The following ASIC2 variants were observed in gnomAD, a reference collection of about 807,000 sequenced individuals.
ASIC2 encodes the protein acid-sensing ion channel 2.
ASIC2 carries 25 observed loss-of-function variants against 57.3 expected under a neutral mutation model. That is an observed-to-expected ratio of 0.44 (90% CI 0.32 to 0.61). The LOEUF is 0.61. ASIC2 is among the 20% of genes least tolerant of loss of function. The probability of loss-of-function intolerance (pLI) is 0.06; values close to 1 mark genes in which losing one functional copy is unlikely to be tolerated. For missense variants in ASIC2, 641 were observed against 738.1 expected, an observed-to-expected ratio of 0.87 and a Z score of 1.52; for synonymous variants, 319 against 307.5, an observed-to-expected ratio of 1.04 and a Z score of -0.39.
At chr17:33,133,589 G>A (rs138543415) in intron 1 of ASIC2, among the ~76,000 whole-genome samples, 53 of 152,302 alleles carry the variant, frequency 3.5e-4, no homozygotes, top group African/African-American at 1.3e-3. Flanking sequence ...TTATCCCAAA[G>A]GATTCGATCT....
rs576740879 is a variant in ASIC2, at chr17:33,494,835, G to A, written c.556-382768C>T. ...ACATGAGCTCTGCAGGTTAGATATGGAGATAGAAAGTGATGACGCCCTGTG... is the reference window on the plus strand; with the variant it reads ...ACATGAGCTCTGCAGGTTAGATATGAAGATAGAAAGTGATGACGCCCTGTG... On this transcript the variant is annotated intron_variant, in intron 1 of 9. Coordinates refer to the ASIC2 transcript ENST00000359872. Among the ~76,000 whole-genome samples, 5 of 152,296 alleles carry A rather than the reference G, an allele frequency of 3.3e-5. No homozygotes were observed. In the South Asian group the frequency reaches 8.3e-4, roughly 25 times the overall value.
At chr17:33,722,362 C>G (rs923030050) in intron 1 of ASIC2, among the ~76,000 whole-genome samples, 1 of 152,198 alleles carries the variant, frequency 6.6e-6, no homozygotes, top group Admixed American at 6.5e-5. Context: ...ATTACCCAGT[C>G]TCAGGTATGT....
At chr17:33,751,945 T>G (rs1437422250) in intron 1 of ASIC2, among the ~76,000 whole-genome samples, 10 of 6,104 alleles carry the variant, frequency 1.6e-3, no homozygotes, top group East Asian at 4.8e-3. Context: ...GGGGTGGGGG[T>G]GAGGGGTGGG....
chr17:33,098,967 T>C (rs950435913), intron 2 of ASIC2, among the ~76,000 whole-genome samples: 1 of 149,276 alleles, frequency 6.7e-6, no homozygotes, highest in African/African-American at 2.4e-5. Flanking sequence ...AACAAAAATA[T>C]ATAAACAAAA....
intron 1 of ASIC2, among the ~76,000 whole-genome samples, chr17:33,288,012 T>C (rs1381395948): frequency 2.0e-5 from 3 of 152,164 alleles, no homozygotes; most frequent in Admixed American, 2.0e-4. Flanking sequence ...TGGGGGTACC[T>C]GATGGAGGTA....
At chr17:33,529,070 A>C (rs1034655659) in intron 1 of ASIC2, among the ~76,000 whole-genome samples, 2 of 152,254 alleles carry the variant, frequency 1.3e-5, no homozygotes, top group South Asian at 4.1e-4. Context: ...GAGTTTGGCC[A>C]AATGAGTCAG....
chr17:33,732,341 C>G (rs918397350), intron 1 of ASIC2, among the ~76,000 whole-genome samples: 1 of 152,098 alleles, frequency 6.6e-6, no homozygotes, highest in African/African-American at 2.4e-5. Context: ...GTCCTAGGTG[C>G]TGAATATAGA....
chr17:33,851,990 A>G (rs895373867), intron 1 of ASIC2, among the ~76,000 whole-genome samples: 1 of 152,220 alleles, frequency 6.6e-6, no homozygotes, highest in African/African-American at 2.4e-5. Flanking sequence ...AAGGCAAACA[A>G]GGGATCGGAT....
In ASIC2 at chr17:34,109,204, A is replaced by G. The variant is rs1259570986; in HGVS notation, c.555+46774T>C. 2.0e-5 allele frequency among the ~76,000 whole-genome samples: 3 copies of G among 151,924 alleles called. No individual in the cohort carries two copies. In the East Asian group the frequency reaches 5.8e-4, roughly 29 times the overall value. On this transcript the variant is annotated intron_variant, in intron 1 of 9. Coordinates refer to the ASIC2 transcript ENST00000359872. ...TTTCTGGCAACTTCTGTAACTTATT[A>G]TTTTGTTTTCTGTTTAACTCTTTGT...
chr17:34,062,232 A>G (rs1908994861), intron 1 of ASIC2, among the ~76,000 whole-genome samples: 2 of 152,288 alleles, frequency 1.3e-5, no homozygotes, highest in South Asian at 4.1e-4. Context: ...CTTCAAAACC[A>G]TGCAAATACA....
At chr17:33,196,312 G>C (rs1906626186) in intron 1 of ASIC2, among the ~76,000 whole-genome samples, 1 of 143,248 alleles carries the variant, frequency 7.0e-6, no homozygotes, top group Admixed American at 6.8e-5. Flanking sequence ...AGACGATGAT[G>C]ATGACGATGA....
chr17:33,394,637 G>A (rs1910011720), intron 1 of ASIC2, among the ~76,000 whole-genome samples: 1 of 152,154 alleles, frequency 6.6e-6, no homozygotes, highest in African/African-American at 2.4e-5. Context: ...GGACTAGGGT[G>A]AGCCAAGTGA....
chr17:33,203,895 G>T (rs1000097971), intron 1 of ASIC2, among the ~76,000 whole-genome samples: 1 of 152,202 alleles, frequency 6.6e-6, no homozygotes, highest in African/African-American at 2.4e-5. Context: ...TAGGGGAGAA[G>T]GTTATTAGAT....
intron 1 of ASIC2, among the ~76,000 whole-genome samples, chr17:33,282,721 G>A (rs190859084): frequency 1.2e-3 from 184 of 152,114 alleles, no homozygotes; most frequent in South Asian, 0.01. Context: ...GTGATCTGCC[G>A]CCTCAGCTTC....
chr17:33,382,301 T>C (rs1046094185), intron 1 of ASIC2, among the ~76,000 whole-genome samples: 1 of 152,196 alleles, frequency 6.6e-6, no homozygotes, highest in African/African-American at 2.4e-5. Context: ...AGAACCTTTT[T>C]TTCGGTTGAA....
At chr17:33,140,998 G>T (rs1219537278) in intron 1 of ASIC2, among the ~76,000 whole-genome samples, 3 of 152,226 alleles carry the variant, frequency 2.0e-5, no homozygotes, top group Non-Finnish European at 2.9e-5. Flanking sequence ...CAACACAGTG[G>T]GCTCCTGCAG....
chr17:33,913,146 C>T, intron 1 of ASIC2, among the ~76,000 whole-genome samples: 1 of 151,716 alleles, frequency 6.6e-6, no homozygotes, highest in African/African-American at 2.4e-5. Flanking sequence ...TTTATTTGGG[C>T]TTACAAGGAG....
intron 1 of ASIC2, among the ~76,000 whole-genome samples, chr17:34,100,106 C>T (rs139543109): frequency 0.011 from 1,641 of 152,046 alleles, 35 homozygotes; most frequent in South Asian, 0.09. Context: ...CACCAAAGAG[C>T]AGGATTGAAA....
At chr17:34,027,994 G>C (rs1480181142) in intron 1 of ASIC2, among the ~76,000 whole-genome samples, 1 of 152,176 alleles carries the variant, frequency 6.6e-6, no homozygotes, top group Non-Finnish European at 1.5e-5. Context: ...AGACAGCCCA[G>C]GGCAGCAGGT....
Sources: allele counts gnomAD v4.1 joint callset (sites outside exome capture counted in the v4.1 genomes callset), GRCh38; gene constraint gnomAD v4.1.1; transcripts MANE v1.5; gene names NCBI Gene and HGNC (gene_info 2026-07-23, HGNC 2026-07-21).